The following HERC2 variants were observed in gnomAD, a reference collection of about 807,000 sequenced individuals.
HERC2 encodes the protein HECT and RLD domain containing E3 ubiquitin protein ligase 2.
Under a neutral mutation model 537.7 loss-of-function variants are expected in HERC2, and 102 were observed. That is an observed-to-expected ratio of 0.19 (90% CI 0.16 to 0.22). The LOEUF (loss-of-function observed/expected upper bound fraction) is 0.22. Among genes scored for constraint, HERC2 ranks in the 10% least tolerant of loss-of-function variants. HERC2 has a pLI of 1.00. For synonymous variants in HERC2, 2,224 were observed against 2,466.2 expected (o/e 0.90, Z 2.91); for missense variants, 4,236 against 6,198.2 (o/e 0.68, Z 10.63).
rs770624644 is a variant in HERC2, at chr15:28,255,990, C to T, written c.2753G>A (p.Gly918Asp). The T allele has an allele frequency of 3.1e-6, 5 of 1,606,044 alleles. No homozygotes were observed. In the East Asian group the frequency reaches 8.9e-5, roughly 29 times the overall value. Residue 918 changes from glycine (G) to aspartate (D), a missense_variant, in exon 19 of 93, where the codon GGC becomes GAC. Coordinates refer to ENST00000261609, the MANE Select transcript of HERC2 (RefSeq NM_004667.6). ...LSALLPCAVSGNEVNISPGRR... is the reference protein window; with the variant it reads ...LSALLPCAVSDNEVNISPGRR... ...ACCTGGACTTATGTTCACTTCATTG[C>T]CTGAAACTGAAATAGAAAGTGTGTG...
At chr15:28,312,420 G>A (rs1445291536) in intron 2 of HERC2, among the ~76,000 whole-genome samples, 8 of 152,320 alleles carry the variant, frequency 5.3e-5, no homozygotes, top group Non-Finnish European at 4.4e-5. Flanking sequence ...ACTGCTTGAG[G>A]CCAAGAGTTC....
rs796585430 is a variant in HERC2 at position 28,271,987 on chromosome 15, A to G, written c.1083+228T>C. The G allele has an allele frequency of 5.5e-6, 3 of 540,982 alleles. No homozygotes were observed. In the South Asian group the frequency reaches 8.9e-5, roughly 16 times the overall value. The allele number at this position is 540,982 out of a possible 1,614,324, so 33.5% of individuals were successfully genotyped here. Reference sequence around the variant, plus strand: ...CTTTTCTGGTATTTATTTAAAAGTGAATGTTTCAAGCTTGGTTTTGTGCTG... The same window carrying G: ...CTTTTCTGGTATTTATTTAAAAGTGGATGTTTCAAGCTTGGTTTTGTGCTG... On this transcript the variant is annotated intron_variant, in intron 9 of 92. Transcript: ENST00000261609.
At chr15:28,115,189 C>T (rs945824470) in intron 89 of HERC2, 1 of 519,056 alleles carries the variant, frequency 1.9e-6, no homozygotes, top group Admixed American at 3.4e-5. Flanking sequence ...TCAGCTTCTT[C>T]ACAGGGGAGG....
intron 3 of HERC2, among the ~76,000 whole-genome samples, chr15:28,296,054 G>A (rs1396653740): frequency 8.5e-5 from 12 of 141,148 alleles, no homozygotes; most frequent in African/African-American, 2.9e-4. Context: ...CTTAATAATG[G>A]AAAACAAAAA....
intron 52 of HERC2, among the ~76,000 whole-genome samples, chr15:28,194,751 T>C (rs1339490576): frequency 6.6e-6 from 1 of 152,148 alleles, no homozygotes; most frequent in Non-Finnish European, 1.5e-5. Flanking sequence ...AGATATGTAT[T>C]TATATAAAAT....
intron 69 of HERC2, among the ~76,000 whole-genome samples, chr15:28,156,992 T>C (rs966133327): frequency 2.6e-5 from 4 of 152,226 alleles, no homozygotes; most frequent in Non-Finnish European, 4.4e-5. Context: ...CTTTTCTGCA[T>C]CTATTGAGAT....
At position 28,113,626 on chromosome 15, in the gene HERC2, C is replaced by A; in HGVS notation, c.13966G>T (p.Val4656Phe). 6.2e-7 allele frequency: 1 copy of A among 1,614,202 alleles called. No individual in the cohort carries two copies. Among genetic ancestry groups the A allele is most frequent in the Non-Finnish European group, 8.5e-7 (1 of 1,180,032 alleles). The part of the protein sequence containing the change: ...VAAVREGMAR[V>F]VPVPLLSLFT... ...AGAGAGAGGAGGGGAACAGGCACAA[C>A]GCGGGCCATTCCTTCCCGAACAGCA... The change falls in exon 91 of 93, where the codon GTT (valine) becomes TTT (phenylalanine). Residue 4656 changes from valine to phenylalanine, a missense_variant. Transcript: ENST00000261609. This position sits in a 1 kb window ranked among gnomAD's most constrained non-coding sequence, Gnocchi z 7.0.
intron 23 of HERC2, among the ~76,000 whole-genome samples, chr15:28,239,413 C>G (rs1401348795): frequency 1.3e-5 from 2 of 151,608 alleles, no homozygotes; most frequent in Non-Finnish European, 2.9e-5. Context: ...AGGATACCAA[C>G]TCAATATTAT....
At chr15:28,303,894 A>C (rs1283634062) in intron 2 of HERC2, among the ~76,000 whole-genome samples, 1 of 152,220 alleles carries the variant, frequency 6.6e-6, no homozygotes, top group South Asian at 2.1e-4. Context: ...GGCCGGGCAC[A>C]GTGGCTCATA....
chr15:28,305,359 T>A (rs1052193250), intron 2 of HERC2, among the ~76,000 whole-genome samples: 5 of 151,750 alleles, frequency 3.3e-5, no homozygotes, highest in Admixed American at 1.3e-4. Context: ...AACAGAGCCC[T>A]CAGAAATAAC....
intron 2 of HERC2, among the ~76,000 whole-genome samples, chr15:28,301,858 T>C (rs1241920518): frequency 6.9e-6 from 1 of 145,498 alleles, no homozygotes; most frequent in Non-Finnish European, 1.5e-5. Context: ...GGAGTGCAGT[T>C]GTGCGATCTC....
At chr15:28,319,351 C>T (rs1196085782) in intron 2 of HERC2, among the ~76,000 whole-genome samples, 1 of 152,116 alleles carries the variant, frequency 6.6e-6, no homozygotes, top group Non-Finnish European at 1.5e-5. Flanking sequence ...TTTGGGAGGC[C>T]GAGGCAGGCA....
chr15:28,145,417 G>T lies in HERC2; in HGVS notation c.11009-613C>A, dbSNP rs139302358. Among the ~76,000 whole-genome samples, 1,243 of 152,294 alleles carry T rather than the reference G, an allele frequency of 8.2e-3. 11 individuals carry two copies. The highest frequency in any genetic ancestry group is 0.013 in the Non-Finnish European group (897 of 68,036). On this transcript the variant is annotated intron_variant, in intron 71 of 92. Transcript: ENST00000261609. ...ACCATCTGCCAGCAGCTCAGGGATG[G>T]CCCATAAAGGCTTTCCACTGGATGC...
intron 30 of HERC2, among the ~76,000 whole-genome samples, chr15:28,232,293 A>G (rs1901953508): frequency 6.6e-6 from 1 of 152,214 alleles, no homozygotes; most frequent in Non-Finnish European, 1.5e-5. Flanking sequence ...CTGTAATCCC[A>G]GCACTTTGGG....
At chr15:28,139,705 C>T (rs777977351) in intron 78 of HERC2, among the ~76,000 whole-genome samples, 1 of 152,086 alleles carries the variant, frequency 6.6e-6, no homozygotes, top group Non-Finnish European at 1.5e-5. Context: ...TGGATCTATC[C>T]AAAGAATGTA....
At chr15:28,131,367 A>AC (rs1172522773) in intron 81 of HERC2, among the ~76,000 whole-genome samples, 7 of 152,104 alleles carry the variant, frequency 4.6e-5, no homozygotes, top group African/African-American at 1.4e-4. Context: ...CACACCTGCA[A>AC]CCCCACAGCC....
intron 55 of HERC2, 120 bp downstream of exon 55, chr15:28,190,845 C>G (rs1896791143): frequency 2.9e-6 from 2 of 692,026 alleles, no homozygotes. Context: ...AAATTTAAAA[C>G]AGAAAGAACC....
chr15:28,154,673 C>A (rs1892799919), intron 69 of HERC2, among the ~76,000 whole-genome samples: 1 of 152,160 alleles, frequency 6.6e-6, no homozygotes, highest in African/African-American at 2.4e-5. Flanking sequence ...AACCTCTCAG[C>A]CTCAGTTTCC....
chr15:28,139,073 T>C (rs1890930401), intron 78 of HERC2, among the ~76,000 whole-genome samples: 1 of 152,250 alleles, frequency 6.6e-6, no homozygotes, highest in South Asian at 2.1e-4. Flanking sequence ...ATAGTACTTT[T>C]ATATCCACTG....
Sources: allele counts gnomAD v4.1 joint callset (sites outside exome capture counted in the v4.1 genomes callset), GRCh38; gene constraint gnomAD v4.1.1; non-coding constraint Gnocchi (gnomAD v3.1); transcripts MANE v1.5; gene names NCBI Gene and HGNC (gene_info 2026-07-23, HGNC 2026-07-21).